Variants in EYS observed in about 807,000 individuals in gnomAD.
The protein encoded by EYS is EGF-like photoreceptor maintenance factor.
In EYS, 250 loss-of-function variants were observed where a neutral mutation model predicts 282.1. The ratio of observed to expected loss-of-function variants is 0.89; its 90% CI spans 0.80 to 0.98. The LOEUF (loss-of-function observed/expected upper bound fraction) is 0.98. EYS is among the 50% of genes least tolerant of loss of function. The pLI is 0.00. For synonymous variants in EYS, 1,355 were observed against 1,282.9 expected, an observed-to-expected ratio of 1.06 and a Z score of -1.20; for missense variants, 4,016 against 3,709.0, an observed-to-expected ratio of 1.08 and a Z score of -2.15.
chr6:64,583,942 A>G (rs904902481), intron 26 of EYS, among the ~76,000 whole-genome samples: 8 of 152,164 alleles, frequency 5.3e-5, no homozygotes, highest in African/African-American at 1.4e-4. Flanking sequence ...GACATAAAAT[A>G]TATCTCTGTG....
chr6:64,964,757 T>C (rs971383048), intron 14 of EYS, among the ~76,000 whole-genome samples: 1 of 152,084 alleles, frequency 6.6e-6, no homozygotes, highest in African/African-American at 2.4e-5. Flanking sequence ...ATAGGCTGGG[T>C]GCAGTTGCTC....
At chr6:65,159,605 C>G (rs1386471768) in intron 12 of EYS, among the ~76,000 whole-genome samples, 1 of 150,726 alleles carries the variant, frequency 6.6e-6, no homozygotes, top group Non-Finnish European at 1.5e-5. Flanking sequence ...CTGAGTTTTC[C>G]CAGATAAGTC....
intron 18 of EYS, among the ~76,000 whole-genome samples, chr6:64,896,179 C>A (rs1287683239): frequency 6.6e-6 from 1 of 152,120 alleles, no homozygotes; most frequent in Non-Finnish European, 1.5e-5. Context: ...GTCTGCAGCT[C>A]CCAGAGAGAC....
chr6:64,452,909 T>G (rs951411066), intron 26 of EYS, among the ~76,000 whole-genome samples: 41 of 152,142 alleles, frequency 2.7e-4, no homozygotes, highest in Non-Finnish European at 4.3e-4. Flanking sequence ...AAAAACCCTA[T>G]AAGAAAACCT....
chr6:65,580,513 C>T (rs965844168), intron 2 of EYS, among the ~76,000 whole-genome samples: 13 of 151,848 alleles, frequency 8.6e-5, no homozygotes, highest in African/African-American at 2.2e-4. Context: ...AATTGAAAAC[C>T]TAATTTTGTA....
At chr6:65,317,109 A>G (rs575771551) in intron 11 of EYS, among the ~76,000 whole-genome samples, 1 of 152,258 alleles carries the variant, frequency 6.6e-6, no homozygotes, top group East Asian at 1.9e-4. Flanking sequence ...TCAATTTATC[A>G]TTTTAAGGCT....
At chr6:65,596,864 G>A (rs1765427187) in intron 2 of EYS, among the ~76,000 whole-genome samples, 1 of 151,964 alleles carries the variant, frequency 6.6e-6, no homozygotes, top group South Asian at 2.1e-4. Flanking sequence ...AGTATTTAGT[G>A]GGATGATAAG....
intron 22 of EYS, 127 bp downstream of exon 22, chr6:64,813,251 T>C (rs1460834695): frequency 3.5e-6 from 2 of 578,012 alleles, no homozygotes; most frequent in Non-Finnish European, 5.8e-6. Flanking sequence ...AAGTTGTGCT[T>C]ATATATATAT....
chr6:64,089,590 AATTTAG>A (rs1408596005), intron 31 of EYS, among the ~76,000 whole-genome samples: 7 of 151,734 alleles, frequency 4.6e-5, no homozygotes, highest in African/African-American at 1.4e-4. Flanking sequence ...GAATTTAAAA[AATTTAG>A]ATTTAGATGA....
At chr6:64,448,939 A>G (rs187757963) in intron 26 of EYS, among the ~76,000 whole-genome samples, 4 of 152,294 alleles carry the variant, frequency 2.6e-5, no homozygotes, top group African/African-American at 7.2e-5. Flanking sequence ...AACTCTAAAA[A>G]TCAGAGAGCA....
intron 22 of EYS, among the ~76,000 whole-genome samples, chr6:64,685,618 C>T (rs917193041): frequency 1.3e-5 from 2 of 152,104 alleles, no homozygotes; most frequent in African/African-American, 2.4e-5. Context: ...CATTCCTCCA[C>T]GAGTGGAAAC....
intron 36 of EYS, among the ~76,000 whole-genome samples, chr6:63,819,922 A>G (rs1771277921): frequency 6.6e-6 from 1 of 152,164 alleles, no homozygotes. Flanking sequence ...CCCTGGGATT[A>G]TATCAGGGGT....
intron 19 of EYS, among the ~76,000 whole-genome samples, chr6:64,830,028 T>A (rs1445532749): frequency 3.3e-5 from 5 of 151,944 alleles, no homozygotes; most frequent in African/African-American, 4.8e-5. Flanking sequence ...CTGAAATGTT[T>A]GTGTTCCCCG....
chr6:64,197,321 A>G (rs917312058), intron 31 of EYS, among the ~76,000 whole-genome samples: 3 of 152,040 alleles, frequency 2.0e-5, no homozygotes, highest in Non-Finnish European at 2.9e-5. Flanking sequence ...ACTTTTAGCC[A>G]TGGGATTTCA....
rs567126743 is a variant in EYS, at chr6:65,210,418, A to G, written c.2023+85445T>C. On this transcript the variant is annotated intron_variant, in intron 12 of 42. Transcript: ENST00000503581. ...TCATGGCAGAATTATCTTCCCACTT[A>G]CATATGAAGGCATAATATCTGGTAA... Among the ~76,000 whole-genome samples the G allele has an allele frequency of 5.9e-5, 9 of 152,160 alleles. No homozygotes were observed. In the South Asian group the frequency reaches 1.7e-3, roughly 28 times the overall value.
At position 64,448,053 on chromosome 6, in the gene EYS, C is replaced by T. The variant is rs182031246; in HGVS notation, c.5645-8701G>A. Among the ~76,000 whole-genome samples the T allele has an allele frequency of 4.4e-3, 665 of 152,318 alleles. 5 individuals carry two copies. Among genetic ancestry groups the T allele is most frequent in the African/African-American group, 0.015 (611 of 41,574 alleles). On this transcript the variant is annotated intron_variant, in intron 26 of 42. Transcript: ENST00000503581. Reference sequence around the variant, plus strand: ...GCACCGTGCGTGAGCCTAAGCAGGGCGAGGCATTACCTCATCTGGGAAGCG... The same window carrying T: ...GCACCGTGCGTGAGCCTAAGCAGGGTGAGGCATTACCTCATCTGGGAAGCG...
At chr6:64,126,821 A>T (rs77394710) in intron 31 of EYS, among the ~76,000 whole-genome samples, 5,947 of 151,736 alleles carry the variant, frequency 0.039, 162 homozygotes, top group Non-Finnish European at 0.063. Context: ...ATATATACAC[A>T]TATATTTAAA....
At chr6:63,725,383 C>G (rs2051109912) in intron 42 of EYS, among the ~76,000 whole-genome samples, 1 of 152,120 alleles carries the variant, frequency 6.6e-6, no homozygotes, top group Non-Finnish European at 1.5e-5. Context: ...CCCAGCCAGT[C>G]ACAATCCTGA....
At chr6:65,366,416 C>A (rs918987963) in intron 8 of EYS, among the ~76,000 whole-genome samples, 1 of 151,746 alleles carries the variant, frequency 6.6e-6, no homozygotes, top group Non-Finnish European at 1.5e-5. Flanking sequence ...CCACTTGTAT[C>A]AGTTGGTTCA....
Sources: allele counts gnomAD v4.1 joint callset (sites outside exome capture counted in the v4.1 genomes callset), GRCh38; gene constraint gnomAD v4.1.1; transcripts MANE v1.5; gene names NCBI Gene and HGNC (gene_info 2026-07-23, HGNC 2026-07-21).